Variants in NRXN3 observed in about 807,000 individuals in gnomAD.
NRXN3 encodes neurexin III.
Under a neutral mutation model 137.6 loss-of-function variants are expected in NRXN3, and 32 were observed. The observed-to-expected ratio is 0.23, with a 90% confidence interval of 0.18 to 0.31. NRXN3 has a LOEUF of 0.31. NRXN3 is among the 10% of genes least tolerant of loss of function. The pLI is 1.00. For missense variants in NRXN3, 1,574 were observed against 2,062.5 expected, an observed-to-expected ratio of 0.76 and a Z score of 4.59; for synonymous variants, 798 against 784.5, an observed-to-expected ratio of 1.02 and a Z score of -0.29.
At chr14:79,793,987 A>G (rs571528925) in intron 19 of NRXN3, among the ~76,000 whole-genome samples, 1 of 152,294 alleles carries the variant, frequency 6.6e-6, no homozygotes, top group East Asian at 1.9e-4. Flanking sequence ...CATTCTACCA[A>G]CGCTTTTTAA....
chr14:79,293,095 G>A (rs185817314), intron 15 of NRXN3, among the ~76,000 whole-genome samples: 6 of 152,274 alleles, frequency 3.9e-5, no homozygotes, highest in Non-Finnish European at 5.9e-5. Context: ...ATGCCAGGGA[G>A]CCATTTTATG....
intron 16 of NRXN3, among the ~76,000 whole-genome samples, chr14:79,563,816 C>G (rs891824744): frequency 1.3e-5 from 2 of 152,200 alleles, no homozygotes; most frequent in Admixed American, 6.6e-5. Context: ...TCTCCCTCCT[C>G]TACCAGAGAA....
Position 78,619,358 on chromosome 14 carries a change from A to G in NRXN3, c.758-25762A>G, listed in dbSNP as rs755631334. On this transcript the variant is annotated intron_variant, in intron 4 of 20. Coordinates refer to ENST00000335750, the MANE Select transcript of NRXN3 (RefSeq NM_001330195.2). ...TCATATGTTGAAGCCCTAATCCCCA[A>G]TGTGATGGTATTTGAGGTAGGTAGG... 2.7e-4 allele frequency among the ~76,000 whole-genome samples: 41 copies of G among 152,044 alleles called. 1 individual carries two copies. Among genetic ancestry groups the G allele is most frequent in the Non-Finnish European group, 5.1e-4 (35 of 68,008 alleles).
intron 6 of NRXN3, among the ~76,000 whole-genome samples, chr14:78,654,422 G>A (rs1426024892): frequency 6.6e-6 from 1 of 152,168 alleles, no homozygotes; most frequent in Non-Finnish European, 1.5e-5. Flanking sequence ...CATGGCAAAG[G>A]GCCTATGCAA....
At chr14:78,424,455 C>A (rs187688090) in intron 4 of NRXN3, among the ~76,000 whole-genome samples, 9 of 152,274 alleles carry the variant, frequency 5.9e-5, no homozygotes, top group Admixed American at 4.6e-4. Context: ...TGGAACAAAG[C>A]AAAATATTTA....
intron 4 of NRXN3, among the ~76,000 whole-genome samples, chr14:78,492,831 T>A (rs1231306544): frequency 2.0e-5 from 3 of 152,196 alleles, no homozygotes; most frequent in East Asian, 1.9e-4. Flanking sequence ...AGAGCCAACA[T>A]TTATAATGGC....
intron 19 of NRXN3, among the ~76,000 whole-genome samples, chr14:79,744,423 C>CT (rs1555682414): frequency 2.0e-5 from 3 of 152,036 alleles, no homozygotes; most frequent in South Asian, 4.1e-4. Context: ...TCCTACCCCC[C>CT]AAAAATGAAC....
Position 79,198,804 on chromosome 14 carries a change from A to G in NRXN3, c.3262+210663A>G, listed in dbSNP as rs144163862. Among the ~76,000 whole-genome samples the G allele has an allele frequency of 3.6e-3, 544 of 152,288 alleles. 5 individuals are homozygous for G. Among genetic ancestry groups the G allele is most frequent in the African/African-American group, 0.012 (504 of 41,564 alleles). ...CCTGATATAAGCTACAGTTTTCTTGACTCATATTCCAAAATGGGGATTGAA... is the reference window on the plus strand; with the variant it reads ...CCTGATATAAGCTACAGTTTTCTTGGCTCATATTCCAAAATGGGGATTGAA... On this transcript the variant is annotated intron_variant, in intron 15 of 20. Coordinates refer to ENST00000335750, the MANE Select transcript of NRXN3 (RefSeq NM_001330195.2).
intron 15 of NRXN3, among the ~76,000 whole-genome samples, chr14:79,451,849 A>G (rs2096178178): frequency 1.3e-5 from 2 of 152,204 alleles, no homozygotes; most frequent in Non-Finnish European, 2.9e-5. Context: ...TGGCAGCCAG[A>G]GTCAGAGGAA....
intron 7 of NRXN3, among the ~76,000 whole-genome samples, chr14:78,710,127 A>G (rs1309752416): frequency 1.3e-5 from 2 of 152,254 alleles, no homozygotes. Context: ...GGCAAGAGTC[A>G]TGTTGCATGG....
chr14:78,808,592 C>G lies in NRXN3; in HGVS notation c.2249-1726C>G, dbSNP rs567366329. 3.4e-4 allele frequency among the ~76,000 whole-genome samples: 51 copies of G among 152,238 alleles called. 1 individual carries two copies. The highest frequency in any genetic ancestry group is 6.8e-3 in the Middle Eastern group (2 of 294). On this transcript the variant is annotated intron_variant, in intron 9 of 20. Transcript: ENST00000335750. Reference sequence around the variant, plus strand: ...GTCCTCACCAGGGGCATGGCCTCCTCTGTCTGGTAATCATACCGGTTGCTC... The same window carrying G: ...GTCCTCACCAGGGGCATGGCCTCCTGTGTCTGGTAATCATACCGGTTGCTC...
chr14:79,305,478 C>G (rs564937813), intron 15 of NRXN3, among the ~76,000 whole-genome samples: 79 of 152,120 alleles, frequency 5.2e-4, no homozygotes, highest in Admixed American at 1.8e-3. Flanking sequence ...CATTTGTACC[C>G]TGACATTTTA....
intron 8 of NRXN3, among the ~76,000 whole-genome samples, chr14:78,756,070 T>A (rs2098666884): frequency 6.6e-6 from 1 of 152,218 alleles, no homozygotes; most frequent in South Asian, 2.1e-4. Flanking sequence ...ACCATTAGGG[T>A]AGTCTCTTTT....
chr14:78,244,599 A>C (rs111823626), intron 2 of NRXN3, among the ~76,000 whole-genome samples: 2 of 152,096 alleles, frequency 1.3e-5, no homozygotes, highest in African/African-American at 2.4e-5. Context: ...CAGTTCTTCT[A>C]TTGGGGCCCA....
intron 15 of NRXN3, among the ~76,000 whole-genome samples, chr14:79,413,883 CAAAAA>C (rs372803175): frequency 1.3e-5 from 1 of 76,324 alleles, no homozygotes; most frequent in African/African-American, 5.6e-5. Context: ...ATGTGGTTCT[CAAAAA>C]AAAAAAAAAA....
chr14:78,632,999 G>A (rs1247039890), intron 4 of NRXN3, among the ~76,000 whole-genome samples: 2 of 152,048 alleles, frequency 1.3e-5, no homozygotes, highest in Admixed American at 6.6e-5. Context: ...ACTTTGGGAG[G>A]CCGAGACGGG....
intron 4 of NRXN3, among the ~76,000 whole-genome samples, chr14:78,366,625 G>T (rs1021664668): frequency 6.6e-6 from 1 of 152,100 alleles, no homozygotes; most frequent in Non-Finnish European, 1.5e-5. Context: ...ACGGTGGAAG[G>T]CAAAGAGGAG....
intron 4 of NRXN3, among the ~76,000 whole-genome samples, chr14:78,518,992 A>G (rs2096250370): frequency 6.6e-6 from 1 of 152,176 alleles, no homozygotes; most frequent in Non-Finnish European, 1.5e-5. Flanking sequence ...AGAGTAGGAC[A>G]GTCAACTGGC....
rs193009552 is a variant in NRXN3 at position 79,460,015 on chromosome 14, A to G, written c.3263-7206A>G. On this transcript the variant is annotated intron_variant, in intron 15 of 20. Transcript: ENST00000335750. ...CTTTCTTTTATATTTTTGTGATATAACAGCTTCTAAAGTAATGTGTTTCTG... is the reference window on the plus strand; with the variant it reads ...CTTTCTTTTATATTTTTGTGATATAGCAGCTTCTAAAGTAATGTGTTTCTG... Among the ~76,000 whole-genome samples the G allele has an allele frequency of 4.4e-4, 67 of 152,214 alleles. 1 individual carries two copies. In the East Asian group the frequency reaches 0.011, roughly 25 times the overall value.
Sources: allele counts gnomAD v4.1 joint callset (sites outside exome capture counted in the v4.1 genomes callset), GRCh38; gene constraint gnomAD v4.1.1; transcripts MANE v1.5; gene names NCBI Gene and HGNC (gene_info 2026-07-23, HGNC 2026-07-21).